Variants in GJB6 observed in about 807,000 individuals in gnomAD.
GJB6 encodes the protein gap junction beta-6 protein.
Under a neutral mutation model 5.4 loss-of-function variants are expected in GJB6, and 5 were observed. That is an observed-to-expected ratio of 0.92 (90% confidence interval 0.48 to 1.93). GJB6 has a LOEUF of 1.93. Among genes scored for constraint, GJB6 ranks in the 30% most tolerant of loss-of-function variants. The pLI is 0.01. For synonymous variants in GJB6, 136 were observed against 129.6 expected, an observed-to-expected ratio of 1.05 and a Z score of -0.34; for missense variants, 298 against 326.9, an observed-to-expected ratio of 0.91 and a Z score of 0.68.
chr13:20,222,765 C>G lies in GJB6; in HGVS notation c.716G>C (p.Ser239Thr). 6.2e-7 allele frequency: 1 copy of G among 1,614,090 alleles called. No individual in the cohort carries two copies. The highest frequency in any genetic ancestry group is 1.1e-5 in the South Asian group (1 of 91,082). The change falls in exon 5 of 5, where the codon AGT becomes ACT. Residue 239 changes from serine (S) to threonine (T), a missense_variant. By Grantham distance (58) the Ser-to-Thr change is moderately conservative. Transcript: ENST00000647029. ...CAGCTCATTCATTTCATTCTGCTTA[C>G]TCTCCTTTAGGGCATGATTGGGGTG... is the stretch of plus-strand genomic sequence containing the variant. Reference protein sequence around the residue: ...KNHPNHALKESKQNEMNELIS... With the variant: ...KNHPNHALKETKQNEMNELIS...
At chr13:20,230,839 A>G (rs1870031030) in intron 2 of GJB6, 32 bp from the exon 3 acceptor site, 1 of 152,242 alleles carries the variant, frequency 6.6e-6, no homozygotes, top group Admixed American at 6.5e-5. Flanking sequence ...AGAAGACATA[A>G]GAAAAAAAGC....
chr13:20,223,917 C>T (rs1275980032), intron 4 of GJB6, among the ~76,000 whole-genome samples: 2 of 151,742 alleles, frequency 1.3e-5, no homozygotes, highest in South Asian at 2.1e-4. Flanking sequence ...TGCAGTGAGC[C>T]GAGATTGCAC....
At position 20,222,679 on chromosome 13, in the gene GJB6, T is replaced by C. The variant is rs1869252488; in HGVS notation, c.*16A>G. ...GAAGTCTCCTTATGACGCAGCTACATTTTACCTTGAAATGTTTAGCTTGGG... is the reference window on the plus strand; with the variant it reads ...GAAGTCTCCTTATGACGCAGCTACACTTTACCTTGAAATGTTTAGCTTGGG... On this transcript the variant is annotated 3_prime_UTR_variant, in exon 5 of 5. Transcript: ENST00000647029. The C allele has an allele frequency of 6.2e-7, 1 of 1,611,964 alleles. No individual in the cohort carries two copies. The highest frequency in any genetic ancestry group is 1.3e-5 in the African/African-American group (1 of 74,894).
rs1276147789 is a variant in GJB6 at position 20,229,147 on chromosome 13, A to AAAAAAT, written c.-16+432_-16+433insATTTTT. Among the ~76,000 whole-genome samples, 210 of 89,256 alleles carry AAAAAAT rather than the reference A, an allele frequency of 2.4e-3. 2 individuals are homozygous for AAAAAAT. Among genetic ancestry groups the AAAAAAT allele is most frequent in the African/African-American group, 0.011 (195 of 17,140 alleles). The allele number at this position is 89,256 out of a possible 152,430, so 58.6% of individuals were successfully genotyped here. Reference sequence around the variant, plus strand: ...GCAAAAAAAAAAAAAAAAAAAAAAAAAAATTTTTTTTTTTTTTTTTAGACA... The same window carrying AAAAAAT: ...GCAAAAAAAAAAAAAAAAAAAAAAAAAAAAATAAATTTTTTTTTTTTTTTTTAGACA... On this transcript the variant is annotated intron_variant, in intron 4 of 4. Transcript: ENST00000647029.
intron 4 of GJB6, among the ~76,000 whole-genome samples, chr13:20,224,789 A>AT (rs1272813467): frequency 6.6e-6 from 1 of 151,966 alleles, no homozygotes; most frequent in East Asian, 1.9e-4. Context: ...TCACTCAGGC[A>AT]TTTTTTTTAC....
Position 20,229,805 on chromosome 13 carries a change from G to A in GJB6, c.-185-56C>T, listed in dbSNP as rs13378299. 3.8e-4 allele frequency: 17 copies of A among 45,038 alleles called. 1 individual carries two copies. The highest frequency in any genetic ancestry group is 1.5e-3 in the African/African-American group (14 of 9,360). 2.8% of individuals were successfully genotyped at this position (45,038 alleles called of 1,614,324 possible). Reference sequence around the variant, plus strand: ...TATTCCTTTAACTCCCCCCCCCCCCGCCCCCCGCAATATGTCCCCTGAATA... The same window carrying A: ...TATTCCTTTAACTCCCCCCCCCCCCACCCCCCGCAATATGTCCCCTGAATA... On this transcript the variant is annotated intron_variant, in intron 3 of 4. Coordinates refer to ENST00000647029, the MANE Select transcript of GJB6 (RefSeq NM_001110219.3).
chr13:20,228,615 G>T (rs1352726260), intron 4 of GJB6, among the ~76,000 whole-genome samples: 40 of 148,382 alleles, frequency 2.7e-4, no homozygotes, highest in African/African-American at 8.0e-4. Context: ...TCTCTGAGCA[G>T]CTGGGACTAC....
intron 4 of GJB6, among the ~76,000 whole-genome samples, chr13:20,228,700 G>C (rs1460354207): frequency 6.9e-6 from 1 of 144,478 alleles, no homozygotes; most frequent in African/African-American, 2.5e-5. Context: ...TAGCCAGGAT[G>C]GTCTCGATCT....
intron 4 of GJB6, among the ~76,000 whole-genome samples, chr13:20,226,670 C>T (rs1012230877): frequency 6.6e-6 from 1 of 152,166 alleles, no homozygotes; most frequent in Non-Finnish European, 1.5e-5. Flanking sequence ...GAAATTTGTA[C>T]GTCTTGATGT....
At chr13:20,223,778 A>G (rs1389445920) in intron 4 of GJB6, among the ~76,000 whole-genome samples, 7 of 152,022 alleles carry the variant, frequency 4.6e-5, no homozygotes, top group Admixed American at 4.6e-4. Flanking sequence ...ATCCTGGCTA[A>G]CAAGGTAAAA....
chr13:20,231,307 TG>T (rs1259074797), intron 2 of GJB6, 74 bp downstream of exon 2: 1 of 152,224 alleles, frequency 6.6e-6, no homozygotes, highest in African/African-American at 2.4e-5. Context: ...CTGAGGTCGC[TG>T]GGCCAGTGTC....
rs200881320 is a variant in GJB6 at position 20,222,888 on chromosome 13, G to T, written c.593C>A (p.Ala198Glu). 40 of 1,614,006 alleles carry T rather than the reference G, an allele frequency of 2.5e-5. No homozygotes were observed. Among genetic ancestry groups the T allele is most frequent in the Admixed American group, 6.7e-5 (4 of 60,018 alleles). ...GTTAAGCAGCATGCAAATCACAGACGCAGAAATCATAAAAATGGTAAACAC... is the reference window on the plus strand; with the variant it reads ...GTTAAGCAGCATGCAAATCACAGACTCAGAAATCATAAAAATGGTAAACAC... ...KTVFTIFMIS[A>E]SVICMLLNVA... The change falls in exon 5 of 5, where the codon GCG (alanine) becomes GAG (glutamate). Residue 198 changes from alanine (A) to glutamate (E), a missense_variant. Coordinates refer to ENST00000647029, the MANE Select transcript of GJB6 (RefSeq NM_001110219.3).
chr13:20,228,856 A>G (rs1869835914), intron 4 of GJB6, among the ~76,000 whole-genome samples: 1 of 151,878 alleles, frequency 6.6e-6, no homozygotes, highest in Admixed American at 6.6e-5. Flanking sequence ...CATGGACTTT[A>G]CTTTTGAGGA....
chr13:20,229,792 T>TCCCCCCCC (rs56771888), intron 3 of GJB6, 43 bp from the exon 4 acceptor site: 194 of 72,806 alleles, frequency 2.7e-3, no homozygotes, highest in East Asian at 3.3e-3. Flanking sequence ...TTCCTTTAAC[T>TCCCCCCCC]CCCCCCCCCC....
At chr13:20,224,691 G>A (rs184190484) in intron 4 of GJB6, among the ~76,000 whole-genome samples, 1 of 152,114 alleles carries the variant, frequency 6.6e-6, no homozygotes, top group Non-Finnish European at 1.5e-5. Flanking sequence ...CTATAGAATT[G>A]GTCAGCATTC....
chr13:20,228,701 G>A (rs541309987), intron 4 of GJB6, among the ~76,000 whole-genome samples: 15 of 146,298 alleles, frequency 1.0e-4, no homozygotes, highest in Non-Finnish European at 1.4e-4. Flanking sequence ...AGCCAGGATG[G>A]TCTCGATCTC....
chr13:20,222,050 A>G lies in GJB6; in HGVS notation c.*645T>C, dbSNP rs1869208203. On this transcript the variant is annotated 3_prime_UTR_variant, in exon 5 of 5. Transcript: ENST00000647029. The stretch of plus-strand genomic sequence containing the variant: ...CAATGATTGGCAAACGGATGAGTTA[A>G]AAAAGCCTTCTGCTTCCACACTGTT... 6.5e-6 allele frequency: 1 copy of G among 152,846 alleles called. No homozygotes were observed. The highest frequency in any genetic ancestry group is 2.4e-5 in the African/African-American group (1 of 41,454). 9.5% of individuals were successfully genotyped at this position (152,846 alleles called of 1,614,324 possible).
intron 4 of GJB6, chr13:20,225,721 C>T (rs1869531221): frequency 6.6e-6 from 1 of 152,034 alleles, no homozygotes; most frequent in South Asian, 2.1e-4. Flanking sequence ...TGTTGAGCCC[C>T]CAGCAACATT....
chr13:20,228,659 T>C (rs1240778437), intron 4 of GJB6, among the ~76,000 whole-genome samples: 15 of 150,990 alleles, frequency 9.9e-5, no homozygotes, highest in Admixed American at 3.3e-4. Context: ...TAATTTTTTG[T>C]ATTTTTAGTA....
Sources: allele counts gnomAD v4.1 joint callset (sites outside exome capture counted in the v4.1 genomes callset), GRCh38; gene constraint gnomAD v4.1.1; transcripts MANE v1.5; gene names NCBI Gene and HGNC (gene_info 2026-07-23, HGNC 2026-07-21).